NFIC: variants seen among roughly 807,000 people sequenced by gnomAD.
NFIC encodes nuclear factor I C, also known as nuclear factor 1 C-type.
Under a neutral mutation model 54.4 loss-of-function variants are expected in NFIC, and 12 were observed. The ratio of observed to expected loss-of-function variants is 0.22; its 90% CI spans 0.14 to 0.36. The LOEUF is 0.36. Ranked by LOEUF, NFIC falls within the 10% of genes least tolerant of loss-of-function variation. NFIC has a pLI of 1.00. For synonymous variants in NFIC, 322 were observed against 319.2 expected (o/e 1.01, Z -0.09); for missense variants, 575 against 718.2 (o/e 0.80, Z 2.28).
chr19:3,387,446 A>G (rs71339183), intron 2 of NFIC, among the ~76,000 whole-genome samples: 24,558 of 152,090 alleles, frequency 0.16, 2,604 homozygotes, highest in East Asian at 0.42. Context: ...CAGTGAGCCA[A>G]GATCGCGACA....
At chr19:3,385,573 G>GTTTTT (rs569020735) in intron 2 of NFIC, among the ~76,000 whole-genome samples, 15 of 109,244 alleles carry the variant, frequency 1.4e-4, no homozygotes, top group African/African-American at 3.3e-4. Context: ...GGTTGTTGTT[G>GTTTTT]TTTTTTTTTT....
chr19:3,434,836 T>C (rs1298370368), intron 5 of NFIC, among the ~76,000 whole-genome samples: 1 of 152,230 alleles, frequency 6.6e-6, no homozygotes, highest in Non-Finnish European at 1.5e-5. Context: ...TCCACCATGC[T>C]AGCTTGGTGT....
At chr19:3,433,228 G>A (rs1013582851) in intron 3 of NFIC, among the ~76,000 whole-genome samples, 6 of 152,248 alleles carry the variant, frequency 3.9e-5, no homozygotes, top group African/African-American at 1.2e-4. Flanking sequence ...GCCTCCCACA[G>A]TGCTGGGATT....
Position 3,463,440 on chromosome 19 carries a change from C to T in NFIC, c.*671C>T. On this transcript the variant is annotated 3_prime_UTR_variant, in exon 11 of 11. Transcript: ENST00000443272. ...GCGGGGGTGCGTGGCGCTTGCGAGC[C>T]CTGGCCAGGGGAGGAAGTGAGGCCC... 1.0e-6 allele frequency: 1 copy of T among 985,404 alleles called. No individual in the cohort carries two copies. The highest frequency in any genetic ancestry group is 1.2e-6 in the Non-Finnish European group (1 of 830,008). The allele number at this position is 985,404 out of a possible 1,614,324, so 61.0% of individuals were successfully genotyped here.
chr19:3,464,389 G>C lies in NFIC; in HGVS notation c.*1620G>C, dbSNP rs1413012844. On this transcript the variant is annotated 3_prime_UTR_variant, in exon 11 of 11. Coordinates refer to ENST00000443272, the MANE Select transcript of NFIC (RefSeq NM_001245002.2). The stretch of plus-strand genomic sequence containing the variant: ...CAAAAACACTAAGCTGGGGACGCCA[G>C]GTGCCCCCCCACCCCGGCTCCCTGG... 3.0e-6 allele frequency: 3 copies of C among 984,798 alleles called. No individual in the cohort carries two copies. Among genetic ancestry groups the C allele is most frequent in the Non-Finnish European group, 1.2e-6 (1 of 829,632 alleles). The allele number at this position is 984,798 out of a possible 1,614,324, so 61.0% of individuals were successfully genotyped here. A position where few individuals can be genotyped will look rare whatever the true frequency, so the allele number is the denominator to read the frequency against.
chr19:3,418,132 T>A (rs1413968659), intron 2 of NFIC, among the ~76,000 whole-genome samples: 1 of 149,416 alleles, frequency 6.7e-6, no homozygotes, highest in Non-Finnish European at 1.5e-5. Context: ...ATAGTCTCGC[T>A]CTGTCACCCA....
At chr19:3,397,335 G>C (rs1323436426) in intron 2 of NFIC, among the ~76,000 whole-genome samples, 1 of 152,238 alleles carries the variant, frequency 6.6e-6, no homozygotes, top group Non-Finnish European at 1.5e-5. Context: ...GGGTATGGCA[G>C]GGACTGCCCT....
chr19:3,425,517 T>C (rs1234216382), intron 3 of NFIC, among the ~76,000 whole-genome samples: 2 of 152,212 alleles, frequency 1.3e-5, no homozygotes, highest in African/African-American at 4.8e-5. Context: ...TGGAGTGCAG[T>C]GGCACAATCT....
intron 2 of NFIC, among the ~76,000 whole-genome samples, chr19:3,402,293 C>T (rs1426704348): frequency 1.3e-5 from 2 of 152,132 alleles, no homozygotes; most frequent in Non-Finnish European, 2.9e-5. Context: ...AGGTGATCCA[C>T]CCAGCCTCAG....
chr19:3,422,032 G>A (rs536870440), intron 2 of NFIC, among the ~76,000 whole-genome samples: 1 of 152,204 alleles, frequency 6.6e-6, no homozygotes, highest in East Asian at 1.9e-4. Context: ...CGCCTCCGGG[G>A]TTCGAGCGAT....
chr19:3,395,661 T>C (rs1471350521), intron 2 of NFIC, among the ~76,000 whole-genome samples: 1 of 151,770 alleles, frequency 6.6e-6, no homozygotes, highest in Non-Finnish European at 1.5e-5. Flanking sequence ...TACGCCTGGC[T>C]GATTTTTTAT....
At chr19:3,450,421 C>G (rs1211377237) in intron 7 of NFIC, among the ~76,000 whole-genome samples, 1 of 150,730 alleles carries the variant, frequency 6.6e-6, no homozygotes, top group Admixed American at 6.6e-5. Flanking sequence ...TTTGGGAGGC[C>G]GAGGCAGGCG....
At chr19:3,423,439 G>A (rs2081983039) in intron 2 of NFIC, among the ~76,000 whole-genome samples, 1 of 152,108 alleles carries the variant, frequency 6.6e-6, no homozygotes, top group Admixed American at 6.6e-5. Flanking sequence ...CTGGCGGGTG[G>A]GCAGGAGGGG....
intron 2 of NFIC, among the ~76,000 whole-genome samples, chr19:3,402,506 C>T (rs2081574432): frequency 1.3e-5 from 2 of 152,184 alleles, no homozygotes; most frequent in African/African-American, 4.8e-5. Flanking sequence ...CCACTGAGGG[C>T]ACAACAGAGA....
chr19:3,360,674 G>T (rs190050790), intron 1 of NFIC, among the ~76,000 whole-genome samples: 1 of 152,226 alleles, frequency 6.6e-6, no homozygotes, highest in Admixed American at 6.5e-5. Flanking sequence ...TGTGTTGTGA[G>T]CGCCGCCCGC....
At chr19:3,454,872 A>T (rs1290666590) in intron 9 of NFIC, among the ~76,000 whole-genome samples, 1 of 151,756 alleles carries the variant, frequency 6.6e-6, no homozygotes, top group Non-Finnish European at 1.5e-5. Context: ...GCGTGCCAGA[A>T]CCCAGGCTGC....
At chr19:3,420,659 C>T (rs992917263) in intron 2 of NFIC, among the ~76,000 whole-genome samples, 1 of 152,094 alleles carries the variant, frequency 6.6e-6, no homozygotes, top group Non-Finnish European at 1.5e-5. Flanking sequence ...AGTGAAGCTG[C>T]CCTCTGCCTG....
intron 6 of NFIC, among the ~76,000 whole-genome samples, chr19:3,441,458 G>A (rs112761947): frequency 3.3e-5 from 5 of 152,370 alleles, no homozygotes; most frequent in African/African-American, 1.2e-4. Context: ...GCAAAGAAGG[G>A]GCAGAGCCCC....
intron 1 of NFIC, among the ~76,000 whole-genome samples, chr19:3,379,621 C>T (rs966159607): frequency 2.0e-5 from 3 of 151,772 alleles, no homozygotes; most frequent in African/African-American, 7.3e-5. Flanking sequence ...GCTGGGATTA[C>T]AGGCGTGAGC....
Sources: gnomAD v4.1 joint callset for allele counts (sites outside exome capture counted in the v4.1 genomes callset) on GRCh38, gnomAD v4.1.1 for gene constraint, MANE v1.5 for transcripts, NCBI Gene and HGNC (gene_info 2026-07-23, HGNC 2026-07-21) for gene names.